The following PTPRQ variants were observed in gnomAD, a reference collection of about 807,000 sequenced individuals.
PTPRQ encodes phosphatidylinositol phosphatase PTPRQ.
In PTPRQ, 199 loss-of-function variants were observed where a neutral mutation model predicts 246.0. That is an observed-to-expected ratio of 0.81 (90% CI 0.72 to 0.91). The LOEUF (loss-of-function observed/expected upper bound fraction) is 0.91. Ranked by LOEUF, PTPRQ falls within the 40% of genes least tolerant of loss-of-function variation. The pLI is 0.00. For missense variants in PTPRQ, 2,624 were observed against 2,528.4 expected (o/e 1.04, Z -0.81); for synonymous variants, 869 against 853.2 (o/e 1.02, Z -0.32).
At chr12:80,497,241 T>C (rs1457768558) in intron 14 of PTPRQ, among the ~76,000 whole-genome samples, 1 of 151,844 alleles carries the variant, frequency 6.6e-6, no homozygotes, top group Non-Finnish European at 1.5e-5. Flanking sequence ...CCTGAGCTTG[T>C]TTTCCTGCAA....
At chr12:80,524,521 A>C (rs1197625686) in intron 17 of PTPRQ, among the ~76,000 whole-genome samples, 1 of 152,132 alleles carries the variant, frequency 6.6e-6, no homozygotes, top group Admixed American at 6.5e-5. Context: ...TTTTAGCATT[A>C]ATTTAGGTCA....
At chr12:80,453,328 G>T (rs7310064) in intron 3 of PTPRQ, among the ~76,000 whole-genome samples, 21 of 152,006 alleles carry the variant, frequency 1.4e-4, no homozygotes, top group Admixed American at 1.4e-3. Context: ...CCTGTAGCTC[G>T]GAGTAGTTTG....
At chr12:80,610,773 C>A in intron 28 of PTPRQ, 148 bp downstream of exon 28, 1 of 915,576 alleles carries the variant, frequency 1.1e-6, no homozygotes, top group East Asian at 2.8e-5. Context: ...CTGCAACTGA[C>A]AAAAAGGAAG....
intron 14 of PTPRQ, among the ~76,000 whole-genome samples, chr12:80,505,819 G>A (rs1894938624): frequency 6.6e-6 from 1 of 151,814 alleles, no homozygotes; most frequent in East Asian, 1.9e-4. Context: ...AATCATAGTA[G>A]CATTTTCTTT....
chr12:80,633,586 A>G lies in PTPRQ; in HGVS notation c.5786+1295A>G, dbSNP rs139686143. ...AGACTATTTTTATTTCAACTGAAGA[A>G]TGTAGTTCTGTATTCTAAATGCCAT... On this transcript the variant is annotated intron_variant, in intron 34 of 44. Transcript: ENST00000644991. Among the ~76,000 whole-genome samples the G allele has an allele frequency of 3.5e-3, 532 of 152,348 alleles. 4 individuals are homozygous for G. Among genetic ancestry groups the G allele is most frequent in the African/African-American group, 0.012 (515 of 41,576 alleles).
chr12:80,512,013 T>G (rs1432909595), intron 17 of PTPRQ, among the ~76,000 whole-genome samples: 1 of 152,174 alleles, frequency 6.6e-6, no homozygotes, highest in African/African-American at 2.4e-5. Flanking sequence ...GAGATGGTAG[T>G]GGCAACAGAG....
intron 17 of PTPRQ, among the ~76,000 whole-genome samples, chr12:80,519,224 A>T (rs116480777): frequency 6.4e-4 from 98 of 152,048 alleles, no homozygotes; most frequent in African/African-American, 2.3e-3. Flanking sequence ...TTTAAACGAA[A>T]CTTTTTAGTC....
chr12:80,636,465 A>G (rs1346863866), intron 35 of PTPRQ, among the ~76,000 whole-genome samples: 2 of 152,062 alleles, frequency 1.3e-5, no homozygotes, highest in Non-Finnish European at 2.9e-5. Flanking sequence ...CTTTTCCCCT[A>G]TGGGCCAAAT....
At chr12:80,669,265 T>G in intron 40 of PTPRQ, 74 bp from the exon 41 acceptor site, 1 of 1,529,830 alleles carries the variant, frequency 6.5e-7, no homozygotes, top group Non-Finnish European at 8.8e-7. Flanking sequence ...TTTAACTTAG[T>G]CGTAATAACT....
At chr12:80,528,068 G>A (rs1022077367) in intron 17 of PTPRQ, among the ~76,000 whole-genome samples, 7 of 152,220 alleles carry the variant, frequency 4.6e-5, no homozygotes, top group South Asian at 4.1e-4. Context: ...TCCAGCCTGG[G>A]TCACAGAGTG....
At chr12:80,474,598 T>C (rs1173407532) in intron 8 of PTPRQ, among the ~76,000 whole-genome samples, 1 of 152,200 alleles carries the variant, frequency 6.6e-6, no homozygotes, top group Non-Finnish European at 1.5e-5. Context: ...ATGAGTAGAT[T>C]TCTGCATAGG....
chr12:80,496,381 A>T lies in PTPRQ; in HGVS notation c.2122A>T (p.Thr708Ser). ...AYEVLYKNID[T>S]LYMKNTSTTD... ...TGAAGTGCTATATAAAAATATAGAT[A>T]CTTTATATATGAAGAACACATCAAC... Residue 708 changes from threonine (T) to serine (S), a missense_variant, in exon 14 of 45, where the codon ACT (threonine) becomes TCT (serine). Thr to Ser is a moderately conservative substitution (Grantham distance 58). Transcript: ENST00000644991. 2 of 1,550,500 alleles carry T rather than the reference A, an allele frequency of 1.3e-6. No individual in the cohort carries two copies. Among genetic ancestry groups the T allele is most frequent in the Non-Finnish European group, 1.7e-6 (2 of 1,146,222 alleles).
At chr12:80,670,938 A>C (rs757365078) in intron 42 of PTPRQ, among the ~76,000 whole-genome samples, 13 of 152,100 alleles carry the variant, frequency 8.5e-5, no homozygotes, top group Middle Eastern at 3.2e-3. Flanking sequence ...TGAATTGTAC[A>C]TGTAAAATGG....
intron 26 of PTPRQ, among the ~76,000 whole-genome samples, chr12:80,596,114 T>C (rs1466434210): frequency 1.3e-5 from 2 of 152,014 alleles, no homozygotes; most frequent in Admixed American, 6.6e-5. Context: ...AATAGATTGA[T>C]GGTCCATGAA....
Position 80,605,094 on chromosome 12 carries a change from G to C in PTPRQ, c.4645G>C (p.Ala1549Pro). The part of the protein sequence containing the change: ...DGPPENVHVV[A>P]TSPFSISISW... ...TCCTCCTGAAAATGTTCATGTAGTAGCAACATCACCTTTTAGCATCAGCAT... is the reference window on the plus strand; with the variant it reads ...TCCTCCTGAAAATGTTCATGTAGTACCAACATCACCTTTTAGCATCAGCAT... Residue 1549 changes from alanine (A) to proline (P), a missense_variant, in exon 27 of 45, where the codon GCA becomes CCA. Coordinates refer to ENST00000644991, the MANE Select transcript of PTPRQ (RefSeq NM_001145026.2). The C allele has an allele frequency of 6.5e-7, 1 of 1,544,334 alleles. No individual in the cohort carries two copies. Among genetic ancestry groups the C allele is most frequent in the South Asian group, 1.2e-5 (1 of 83,192 alleles).
At chr12:80,482,323 T>C (rs1001099350) in intron 8 of PTPRQ, among the ~76,000 whole-genome samples, 23 of 151,898 alleles carry the variant, frequency 1.5e-4, no homozygotes, top group African/African-American at 5.6e-4. Flanking sequence ...GCTAGCCATA[T>C]GTAGAAAGCT....
At position 80,534,957 on chromosome 12, in the gene PTPRQ, T is replaced by C. The variant is rs979970725; in HGVS notation, c.2905T>C (p.Trp969Arg). 5 of 1,550,272 alleles carry C rather than the reference T, an allele frequency of 3.2e-6. No individual in the cohort carries two copies. In the African/African-American group the frequency reaches 4.1e-5, roughly 13 times the overall value. ...NLSSSSIILF[W>R]TPPSKPNGII... ...CAGTTCTTCATCAATAATTCTTTTC[T>C]GGACACCTCCTTCAAAACCTAATGG... Residue 969 changes from tryptophan to arginine, a missense_variant, in exon 19 of 45, where the codon TGG (tryptophan) becomes CGG (arginine). Trp to Arg is a moderately radical substitution (Grantham distance 101). Transcript: ENST00000644991.
rs116305376 is a variant in PTPRQ at position 80,655,824 on chromosome 12, G to A, written c.6116-2161G>A. 5.1e-3 allele frequency among the ~76,000 whole-genome samples: 771 copies of A among 152,292 alleles called. 1 individual carries two copies. Among genetic ancestry groups the A allele is most frequent in the African/African-American group, 0.018 (744 of 41,554 alleles). On this transcript the variant is annotated intron_variant, in intron 38 of 44. Coordinates refer to ENST00000644991, the MANE Select transcript of PTPRQ (RefSeq NM_001145026.2). ...TTTTAGCTTGAGCCAGCTAAATGAAGTCCATTGTTTCTCTCCCCTGAGTAA... is the reference window on the plus strand; with the variant it reads ...TTTTAGCTTGAGCCAGCTAAATGAAATCCATTGTTTCTCTCCCCTGAGTAA...
chr12:80,480,243 G>A (rs975821214), intron 8 of PTPRQ, among the ~76,000 whole-genome samples: 13 of 152,076 alleles, frequency 8.5e-5, no homozygotes, highest in African/African-American at 1.5e-4. Flanking sequence ...TCAACTTCAT[G>A]GAAACTGAAC....
Sources: gnomAD v4.1 joint callset for allele counts (sites outside exome capture counted in the v4.1 genomes callset) on GRCh38, gnomAD v4.1.1 for gene constraint, MANE v1.5 for transcripts, NCBI Gene and HGNC (gene_info 2026-07-23, HGNC 2026-07-21) for gene names.